The following GPC5 variants were observed in gnomAD, a reference collection of about 807,000 sequenced individuals.
GPC5 encodes the protein glypican-5.
A neutral mutation model predicts 53.9 loss-of-function variants in GPC5; 47 were observed. The observed-to-expected ratio is 0.87, with a 90% CI of 0.69 to 1.11. The LOEUF (loss-of-function observed/expected upper bound fraction) is 1.11, where lower values mean the gene tolerates loss of function less well. GPC5 is among the 50% of genes most tolerant of loss of function. GPC5 has a pLI of 0.00. For missense variants in GPC5, 748 were observed against 713.1 expected, an observed-to-expected ratio of 1.05 and a Z score of -0.56; for synonymous variants, 286 against 263.3, an observed-to-expected ratio of 1.09 and a Z score of -0.84.
intron 7 of GPC5, among the ~76,000 whole-genome samples, chr13:92,192,699 T>G (rs2042231141): frequency 6.6e-6 from 1 of 152,190 alleles, no homozygotes; most frequent in Non-Finnish European, 1.5e-5. Flanking sequence ...TTAAAAAGCT[T>G]TCATTTTAGA....
rs547658794 is a variant in GPC5, at chr13:92,695,297, G to T, written c.1562-170985G>T. On this transcript the variant is annotated intron_variant, in intron 7 of 7. Coordinates refer to ENST00000377067, the MANE Select transcript of GPC5 (RefSeq NM_004466.6). ...ATTTGGCTTTTGATTGTTAATTTAAGTTCCTTATAGATTCTAGATATTAGA... is the reference window on the plus strand; with the variant it reads ...ATTTGGCTTTTGATTGTTAATTTAATTTCCTTATAGATTCTAGATATTAGA... Among the ~76,000 whole-genome samples the T allele has an allele frequency of 2.4e-4, 37 of 152,172 alleles. No homozygotes were observed. In the South Asian group the frequency reaches 7.5e-3, roughly 31 times the overall value.
intron 7 of GPC5, among the ~76,000 whole-genome samples, chr13:92,704,913 A>T (rs1400953493): frequency 1.9e-5 from 2 of 103,276 alleles, no homozygotes; most frequent in African/African-American, 7.1e-5. Context: ...ATATATATAC[A>T]CTTATATGGA....
intron 7 of GPC5, among the ~76,000 whole-genome samples, chr13:92,258,876 A>C (rs2042745365): frequency 6.6e-6 from 1 of 152,180 alleles, no homozygotes; most frequent in Non-Finnish European, 1.5e-5. Context: ...CCAGGGGTTG[A>C]AGGCTGCAGT....
intron 7 of GPC5, among the ~76,000 whole-genome samples, chr13:92,641,393 C>T (rs188878448): frequency 1.4e-4 from 22 of 152,168 alleles, no homozygotes; most frequent in Non-Finnish European, 2.4e-4. Context: ...TTTTTCAAAA[C>T]TCCCAATGCC....
chr13:92,159,484 C>T (rs2041970079), intron 7 of GPC5, among the ~76,000 whole-genome samples: 1 of 151,650 alleles, frequency 6.6e-6, no homozygotes, highest in African/African-American at 2.4e-5. Flanking sequence ...TCCCGTTGTC[C>T]ATTTGAGAAG....
chr13:92,340,730 G>C (rs1217806055), intron 7 of GPC5: 1 of 152,024 alleles, frequency 6.6e-6, no homozygotes, highest in East Asian at 1.9e-4. Context: ...CGATTGTATT[G>C]ATTATAAAAT....
At chr13:92,744,073 A>C (rs531517275) in intron 7 of GPC5, among the ~76,000 whole-genome samples, 1 of 152,200 alleles carries the variant, frequency 6.6e-6, no homozygotes, top group Non-Finnish European at 1.5e-5. Context: ...GCAACAAACC[A>C]AAAACCCAGG....
Position 91,693,322 on chromosome 13 carries a change from G to T in GPC5, c.461G>T (p.Gly154Val), listed in dbSNP as rs1275782536. 6.2e-7 allele frequency: 1 copy of T among 1,614,104 alleles called. No individual in the cohort carries two copies. The highest frequency in any genetic ancestry group is 1.1e-5 in the South Asian group (1 of 91,074). The change falls in exon 3 of 8, where the codon GGT becomes GTT. Residue 154 changes from glycine to valine, a missense_variant. Coordinates refer to ENST00000377067, the MANE Select transcript of GPC5 (RefSeq NM_004466.6). ...ACTGATGTGGGGCTGTATTTATTTG[G>T]TGCGGATGTTAATCCTGAAGAATTT... ...FFTDVGLYLF[G>V]ADVNPEEFVN...
intron 7 of GPC5, among the ~76,000 whole-genome samples, chr13:92,377,582 T>G (rs2043705462): frequency 6.6e-6 from 1 of 152,208 alleles, no homozygotes; most frequent in African/African-American, 2.4e-5. Flanking sequence ...CTGCACCAAT[T>G]GCTAGAATAT....
At chr13:92,270,552 T>C (rs769728733) in intron 7 of GPC5, among the ~76,000 whole-genome samples, 2 of 152,176 alleles carry the variant, frequency 1.3e-5, no homozygotes, top group Non-Finnish European at 2.9e-5. Flanking sequence ...CAGTTAAACC[T>C]CTTTTCTTTG....
In GPC5 at chr13:91,863,791, G is replaced by A. The variant is rs2039055736; in HGVS notation, c.1281-44146G>A. Among the ~76,000 whole-genome samples the A allele has an allele frequency of 2.0e-5, 3 of 151,958 alleles. No homozygotes were observed. The South Asian group carries it at 6.2e-4, about 32-fold the overall frequency. On this transcript the variant is annotated intron_variant, in intron 5 of 7. Transcript: ENST00000377067. ...AAGGAATAAAAATAGAAACCCTTTTGGACACAAACCCAGCCTGGACTTCTC... is the reference window on the plus strand; with the variant it reads ...AAGGAATAAAAATAGAAACCCTTTTAGACACAAACCCAGCCTGGACTTCTC...
At chr13:91,908,225 G>T (rs192761298) in intron 6 of GPC5, among the ~76,000 whole-genome samples, 168 bp downstream of exon 6, 2 of 151,962 alleles carry the variant, frequency 1.3e-5, no homozygotes, top group Non-Finnish European at 2.9e-5. Context: ...ATGATTTTTG[G>T]ATGCAGTCAA....
chr13:92,214,272 T>A (rs984745559), intron 7 of GPC5, among the ~76,000 whole-genome samples: 1 of 152,218 alleles, frequency 6.6e-6, no homozygotes, highest in Non-Finnish European at 1.5e-5. Flanking sequence ...GGTAGTTTCT[T>A]ACAAATGACT....
chr13:91,925,586 C>G (rs2039759213), intron 6 of GPC5, among the ~76,000 whole-genome samples: 1 of 152,072 alleles, frequency 6.6e-6, no homozygotes, highest in African/African-American at 2.4e-5. Context: ...ATGAACTAGT[C>G]TGTTTTGAAG....
intron 7 of GPC5, among the ~76,000 whole-genome samples, chr13:92,229,657 T>C (rs2042515646): frequency 6.6e-6 from 1 of 152,150 alleles, no homozygotes; most frequent in Admixed American, 6.5e-5. Context: ...TGCCTGGCCA[T>C]AATGTCAGCC....
At chr13:92,484,059 G>A (rs1222384961) in intron 7 of GPC5, among the ~76,000 whole-genome samples, 1 of 152,162 alleles carries the variant, frequency 6.6e-6, no homozygotes, top group Admixed American at 6.5e-5. Context: ...GACCGCTTGA[G>A]CCCAAGAGTT....
intron 6 of GPC5, among the ~76,000 whole-genome samples, chr13:92,093,573 T>C (rs1380809305): frequency 6.6e-6 from 1 of 152,204 alleles, no homozygotes. Context: ...GATCTTTGTA[T>C]CATAAAATAA....
chr13:92,450,987 G>A (rs1878039091), intron 7 of GPC5, among the ~76,000 whole-genome samples: 1 of 152,076 alleles, frequency 6.6e-6, no homozygotes, highest in Non-Finnish European at 1.5e-5. Context: ...AAGGTTACCT[G>A]TTTTCTTTAT....
intron 7 of GPC5, among the ~76,000 whole-genome samples, chr13:92,269,586 T>G (rs996060224): frequency 3.3e-4 from 50 of 152,188 alleles, no homozygotes; most frequent in Admixed American, 2.7e-3. Context: ...TCTTGTATTT[T>G]TAGTAGAGAC....
Sources: allele counts gnomAD v4.1 joint callset (sites outside exome capture counted in the v4.1 genomes callset), GRCh38; gene constraint gnomAD v4.1.1; transcripts MANE v1.5; gene names NCBI Gene and HGNC (gene_info 2026-07-23, HGNC 2026-07-21).